The following KDM6A variants were observed in gnomAD, a reference collection of about 807,000 sequenced individuals.
KDM6A encodes lysine-specific demethylase 6A.
In KDM6A, 11 loss-of-function variants were observed where a neutral mutation model predicts 117.6. That is an observed-to-expected ratio of 0.09 (90% CI 0.06 to 0.15). KDM6A has a LOEUF of 0.15. Ranked by LOEUF, KDM6A falls within the 10% of genes least tolerant of loss-of-function variation. KDM6A has a pLI of 1.00. For synonymous variants in KDM6A, 384 were observed against 396.1 expected (o/e 0.97, Z 0.36); for missense variants, 799 against 1,077.3 (o/e 0.74, Z 3.62).
At position 44,927,179 on chromosome X, in the gene KDM6A, G is replaced by T. The variant is rs1225837397; in HGVS notation, c.226-34105G>T. ...AGTCTTTTCTTTAAATGTTAGCAAA[G>T]TAGTACATGCATATAGTTTAGAGTC... On this transcript the variant is annotated intron_variant, in intron 2 of 29. Transcript: ENST00000611820. Among the ~76,000 whole-genome samples, 5 of 110,562 alleles carry T rather than the reference G, an allele frequency of 4.5e-5. No homozygotes were observed. In the East Asian group the frequency reaches 1.4e-3, roughly 32 times the overall value.
intron 2 of KDM6A, among the ~76,000 whole-genome samples, chrX:44,946,334 G>A (rs1332590571): frequency 3.6e-5 from 4 of 111,481 alleles, no homozygotes; most frequent in African/African-American, 1.3e-4. Context: ...CAAGTGATCT[G>A]CCTGCCTCAG....
chrX:45,058,315 T>C (rs1418498239), intron 10 of KDM6A, among the ~76,000 whole-genome samples: 1 of 110,545 alleles, frequency 9.0e-6, no homozygotes, highest in African/African-American at 3.3e-5. Context: ...TCAGTATTTA[T>C]AATTTCAACT....
intron 23 of KDM6A, among the ~76,000 whole-genome samples, 178 bp downstream of exon 23, chrX:45,082,967 T>TA (rs1346866076): frequency 9.0e-6 from 1 of 110,788 alleles, no homozygotes; most frequent in Non-Finnish European, 1.9e-5. Flanking sequence ...AATTTTTTTT[T>TA]AAAAATAGAG....
chrX:45,104,688 C>T (rs2046463938), intron 27 of KDM6A, among the ~76,000 whole-genome samples: 1 of 110,730 alleles, frequency 9.0e-6, no homozygotes, highest in Non-Finnish European at 1.9e-5. Flanking sequence ...TTTGAAAAGG[C>T]GAAGGAACAA....
intron 4 of KDM6A, among the ~76,000 whole-genome samples, chrX:44,991,977 C>T (rs919497790): frequency 9.0e-6 from 1 of 111,010 alleles, no homozygotes; most frequent in African/African-American, 3.3e-5. Context: ...GCGTGAGCCA[C>T]TGCACCTGGC....
intron 4 of KDM6A, among the ~76,000 whole-genome samples, chrX:44,977,145 T>C (rs2039652414): frequency 8.9e-6 from 1 of 111,915 alleles, no homozygotes; most frequent in Admixed American, 9.5e-5. Context: ...AATCTTTGCC[T>C]AACTCAAGGT....
intron 2 of KDM6A, among the ~76,000 whole-genome samples, chrX:44,950,081 A>G (rs1237232490): frequency 9.2e-6 from 1 of 108,608 alleles, no homozygotes; most frequent in African/African-American, 3.4e-5. Flanking sequence ...CAGTGGCGCG[A>G]TCTCTGCTCA....
chrX:45,032,984 A>G (rs2042662370), intron 6 of KDM6A, among the ~76,000 whole-genome samples: 1 of 112,232 alleles, frequency 8.9e-6, no homozygotes, highest in African/African-American at 3.2e-5. Context: ...CTACATCTCT[A>G]TTCTTCCTTG....
intron 3 of KDM6A, among the ~76,000 whole-genome samples, chrX:44,970,423 T>TG (rs1186356540): frequency 1.8e-5 from 2 of 111,842 alleles, no homozygotes; most frequent in South Asian, 7.4e-4. Context: ...TTTATTTCTT[T>TG]GGGGGTTTTT....
rs747472537 is a variant in KDM6A, at chrX:44,983,956, T to G, written c.384+9241T>G. Among the ~76,000 whole-genome samples, 13 of 110,123 alleles carry G rather than the reference T, an allele frequency of 1.2e-4. No individual in the cohort carries two copies. In the East Asian group the frequency reaches 2.8e-3, roughly 24 times the overall value. On this transcript the variant is annotated intron_variant, in intron 4 of 29. Coordinates refer to ENST00000611820, the MANE Select transcript of KDM6A (RefSeq NM_001291415.2). Reference sequence around the variant, plus strand: ...TGGGATGGCTGGGTCAAATGGTATTTCTAGTTCTAGATCCCTGAGGAATCG... The same window carrying G: ...TGGGATGGCTGGGTCAAATGGTATTGCTAGTTCTAGATCCCTGAGGAATCG...
intron 4 of KDM6A, among the ~76,000 whole-genome samples, chrX:44,981,394 A>G (rs1420517557): frequency 8.9e-6 from 1 of 111,884 alleles, no homozygotes; most frequent in Non-Finnish European, 1.9e-5. Context: ...ACAGATGAAG[A>G]GATGCATAGG....
intron 5 of KDM6A, among the ~76,000 whole-genome samples, chrX:45,013,078 T>G (rs1201668007): frequency 9.0e-6 from 1 of 111,703 alleles, no homozygotes; most frequent in African/African-American, 3.3e-5. Flanking sequence ...GAATTAGAAG[T>G]AGTCTTAGAG....
At chrX:44,938,389 G>A (rs1038044442) in intron 2 of KDM6A, among the ~76,000 whole-genome samples, 2 of 112,134 alleles carry the variant, frequency 1.8e-5, no homozygotes, top group African/African-American at 6.5e-5. Flanking sequence ...CAGCCCCACA[G>A]CATTGCCTTA....
intron 4 of KDM6A, among the ~76,000 whole-genome samples, chrX:45,010,323 T>TA (rs1191461378): frequency 1.6e-3 from 163 of 102,718 alleles, no homozygotes; most frequent in South Asian, 2.5e-3. Flanking sequence ...CTTGTCTCTT[T>TA]AAAAAAAAAA....
rs1305572075 is a variant in KDM6A, at chrX:44,980,147, C to T, written c.384+5432C>T. On this transcript the variant is annotated intron_variant, in intron 4 of 29. Coordinates refer to ENST00000611820, the MANE Select transcript of KDM6A (RefSeq NM_001291415.2). ...CAGTAGCTGGAACTATAGGCCCACGCCACCACGCCTGGCTAATATTTTGTA... is the reference window on the plus strand; with the variant it reads ...CAGTAGCTGGAACTATAGGCCCACGTCACCACGCCTGGCTAATATTTTGTA... 1.9e-5 allele frequency among the ~76,000 whole-genome samples: 2 copies of T among 107,844 alleles called. 1 individual carries two copies. The highest frequency in any genetic ancestry group is 3.8e-5 in the Non-Finnish European group (2 of 52,556). 93.6% of individuals were successfully genotyped at this position (107,844 alleles called of 115,157 possible).
chrX:44,920,011 C>T (rs1176387153), intron 2 of KDM6A, among the ~76,000 whole-genome samples: 2 of 112,128 alleles, frequency 1.8e-5, no homozygotes, highest in African/African-American at 6.5e-5. Context: ...TACTATTGTT[C>T]AGGAAACATA....
intron 27 of KDM6A, among the ~76,000 whole-genome samples, chrX:45,096,165 C>T (rs1029634832): frequency 7.2e-5 from 8 of 111,722 alleles, no homozygotes; most frequent in African/African-American, 2.6e-4. Flanking sequence ...ACATAGTCTT[C>T]TTCCTTAATT....
chrX:45,047,831 G>A (rs1397980288), intron 8 of KDM6A, among the ~76,000 whole-genome samples: 3 of 105,402 alleles, frequency 2.8e-5, no homozygotes, highest in East Asian at 3.0e-4. Context: ...CTACAGGCGC[G>A]TGCCATCACA....
At chrX:45,086,126 C>A in intron 25 of KDM6A, 147 bp downstream of exon 25, 1 of 455,447 alleles carries the variant, frequency 2.2e-6, no homozygotes, top group South Asian at 3.1e-5. Flanking sequence ...TATTTGATTC[C>A]AAACCTCATA....
Sources: allele counts gnomAD v4.1 joint callset (sites outside exome capture counted in the v4.1 genomes callset), GRCh38; gene constraint gnomAD v4.1.1; transcripts MANE v1.5; gene names NCBI Gene and HGNC (gene_info 2026-07-23, HGNC 2026-07-21).